The following SH3BP5 variants were observed in gnomAD, a reference collection of about 807,000 sequenced individuals.
SH3BP5 encodes the protein SH3 domain-binding protein 5.
In SH3BP5, 22 loss-of-function variants were observed where a neutral mutation model predicts 43.3. The observed-to-expected ratio is 0.51, with a 90% confidence interval of 0.36 to 0.73. The LOEUF is 0.73. Among genes scored for constraint, SH3BP5 ranks in the 30% least tolerant of loss-of-function variants. The probability of loss-of-function intolerance (pLI) is 0.00; values close to 1 mark genes in which losing one functional copy is unlikely to be tolerated. For synonymous variants in SH3BP5, 255 were observed against 225.8 expected, an observed-to-expected ratio of 1.13 and a Z score of -1.16; for missense variants, 529 against 586.9, an observed-to-expected ratio of 0.90 and a Z score of 1.02.
chr3:15,258,543 C>T (rs759435567), intron 7 of SH3BP5: 292 of 447,776 alleles, frequency 6.5e-4, no homozygotes, highest in Non-Finnish European at 1.1e-3. Context: ...TTCTTTCCTG[C>T]AGGACTTCTC....
intron 3 of SH3BP5, among the ~76,000 whole-genome samples, chr3:15,294,574 G>A (rs551812374): frequency 2.8e-4 from 43 of 152,088 alleles, no homozygotes; most frequent in South Asian, 6.2e-4. Flanking sequence ...CCACAACACC[G>A]GAAAGGTTTA....
At position 15,304,124 on chromosome 3, in the gene SH3BP5, C is replaced by T. The variant is rs1219597929; in HGVS notation, c.309G>A (p.Glu103=). Residue 103 remains glutamate, a synonymous_variant, in exon 3 of 9, where the codon GAG becomes GAA. Coordinates refer to ENST00000383791, the MANE Select transcript of SH3BP5 (RefSeq NM_004844.5). ...TTACCTGCCTCGCCACCCTCCGTGC[C>T]TCCCAGTAGGGCTTGGAGTCTTCCA... ...KAVEDSKPYW[E]ARRVARQAQL... is the part of the protein sequence containing the mutation. 1 of 1,614,172 alleles carries T rather than the reference C, an allele frequency of 6.2e-7. No homozygotes were observed. The highest frequency in any genetic ancestry group is 8.5e-7 in the Non-Finnish European group (1 of 1,180,044).
chr3:15,320,705 G>C (rs1371611647), intron 2 of SH3BP5, among the ~76,000 whole-genome samples: 1 of 148,774 alleles, frequency 6.7e-6, no homozygotes, highest in Non-Finnish European at 1.5e-5. Flanking sequence ...AAAATTAAAA[G>C]GCTACAGTCC....
intron 3 of SH3BP5, among the ~76,000 whole-genome samples, chr3:15,295,087 AAC>A (rs145251289): frequency 2.0e-4 from 30 of 151,454 alleles, no homozygotes; most frequent in African/African-American, 6.5e-4. Flanking sequence ...ATCTCCCGCC[AAC>A]ACACACACAC....
At chr3:15,268,472 C>T (rs539133749) in intron 4 of SH3BP5, among the ~76,000 whole-genome samples, 8 of 152,236 alleles carry the variant, frequency 5.3e-5, no homozygotes, top group East Asian at 3.9e-4. Context: ...CACCCACCCA[C>T]CCTGCAGCAA....
chr3:15,313,939 T>G (rs760996530), intron 2 of SH3BP5, among the ~76,000 whole-genome samples: 1 of 151,754 alleles, frequency 6.6e-6, no homozygotes, highest in African/African-American at 2.4e-5. Flanking sequence ...CCATCTCTAC[T>G]AAAAACACAA....
intron 2 of SH3BP5, among the ~76,000 whole-genome samples, chr3:15,325,055 CACAGCCCTGGA>C (rs139173094): frequency 0.014 from 2,080 of 152,262 alleles, 50 homozygotes; most frequent in African/African-American, 0.046. Context: ...CGGACCCCTT[CACAGCCCTGGA>C]ACAGCCCACT....
rs80043107 is a variant in SH3BP5 at position 15,265,916 on chromosome 3, G to A, written c.496-3627C>T. 2.2e-3 allele frequency among the ~76,000 whole-genome samples: 331 copies of A among 152,186 alleles called. 5 individuals carry two copies. Among genetic ancestry groups the A allele is most frequent in the East Asian group, 4.6e-3 (24 of 5,174 alleles). On this transcript the variant is annotated intron_variant, in intron 4 of 8. Transcript: ENST00000383791. ...GGCACCTTCCCGCATGGGCACCACT[G>A]GGCACTGATTGGGTGTTTCAATCTG...
At chr3:15,268,821 G>A (rs1040457948) in intron 4 of SH3BP5, among the ~76,000 whole-genome samples, 1 of 151,962 alleles carries the variant, frequency 6.6e-6, no homozygotes, top group African/African-American at 2.4e-5. Context: ...AGGTAATGAG[G>A]GTAGAACCAT....
chr3:15,292,393 T>A (rs1453118512), intron 3 of SH3BP5, among the ~76,000 whole-genome samples: 1 of 151,262 alleles, frequency 6.6e-6, no homozygotes, highest in Non-Finnish European at 1.5e-5. Context: ...AAAAAGGGAG[T>A]TGCCCATGAC....
intron 5 of SH3BP5, chr3:15,260,080 C>T (rs1228311583): frequency 2.0e-6 from 1 of 491,694 alleles, no homozygotes; most frequent in Admixed American, 3.6e-5. Flanking sequence ...GACTCTGCAA[C>T]TTAGCTCATG....
rs1268276468 is a variant in SH3BP5 at position 15,254,993 on chromosome 3, C to T, written c.*1093G>A. On this transcript the variant is annotated 3_prime_UTR_variant, in exon 9 of 9. Coordinates refer to ENST00000383791, the MANE Select transcript of SH3BP5 (RefSeq NM_004844.5). ...AATGACTAAAATATACAGGCTGTGA[C>T]AGAATTAACAGTTTGAAAGAGGGTT... is the stretch of plus-strand genomic sequence containing the variant. 6.6e-6 allele frequency: 1 copy of T among 152,356 alleles called. No homozygotes were observed. Among genetic ancestry groups the T allele is most frequent in the African/African-American group, 2.4e-5 (1 of 41,432 alleles). 9.4% of individuals were successfully genotyped at this position (152,356 alleles called of 1,614,324 possible).
Position 15,269,787 on chromosome 3 carries a change from G to T in SH3BP5, c.421C>A (p.Gln141Lys), listed in dbSNP as rs1696748158. The change falls in exon 4 of 9, where the codon CAG (glutamine) becomes AAG (lysine). Residue 141 changes from glutamine to lysine, a missense_variant. Transcript: ENST00000383791. ...AAKETISLAE[Q>K]RLLEDDKRQF... The stretch of plus-strand genomic sequence containing the variant: ...CGCTTGTCATCCTCCAGCAGCCGCT[G>T]CTCGGCCAGGGAGATGGTCTCCTTG... 1 of 1,612,032 alleles carries T rather than the reference G, an allele frequency of 6.2e-7. No homozygotes were observed. The highest frequency in any genetic ancestry group is 1.1e-5 in the South Asian group (1 of 90,924).
chr3:15,324,382 G>A (rs375878517), intron 2 of SH3BP5, among the ~76,000 whole-genome samples: 6 of 152,208 alleles, frequency 3.9e-5, no homozygotes, highest in Admixed American at 3.3e-4. Context: ...AGGCAGGGAC[G>A]TGCCTGATTA....
At chr3:15,281,580 C>T (rs562105271) in intron 3 of SH3BP5, among the ~76,000 whole-genome samples, 1 of 152,236 alleles carries the variant, frequency 6.6e-6, no homozygotes, top group South Asian at 2.1e-4. Flanking sequence ...CACTTCTCTG[C>T]CTGGGGGTTG....
At chr3:15,308,616 C>T (rs576806189) in intron 2 of SH3BP5, among the ~76,000 whole-genome samples, 33 of 152,202 alleles carry the variant, frequency 2.2e-4, no homozygotes, top group Admixed American at 7.2e-4. Context: ...GGAGCAAGGA[C>T]GCCTCCTGGC....
intron 1 of SH3BP5, among the ~76,000 whole-genome samples, chr3:15,340,835 C>G (rs1698756925): frequency 6.6e-6 from 1 of 152,010 alleles, no homozygotes; most frequent in Non-Finnish European, 1.5e-5. Context: ...GGCGGATCAC[C>G]TGAGGTTGGG....
chr3:15,257,204 TG>T lies in SH3BP5; in HGVS notation c.890-92del, dbSNP rs34094510. The T allele has an allele frequency of 0.022, 30,102 of 1,350,334 alleles. 5,159 individuals carry two copies. The African/African-American group carries it at 0.38, about 17-fold the overall frequency. 83.6% of individuals were successfully genotyped at this position (1,350,334 alleles called of 1,614,324 possible). A position where few individuals can be genotyped will look rare whatever the true frequency, so the allele number is the denominator to read the frequency against. On this transcript the variant is annotated intron_variant, in intron 7 of 8. Coordinates refer to ENST00000383791, the MANE Select transcript of SH3BP5 (RefSeq NM_004844.5). ...TGCTGGCAGGCAGCTAGACACAGCA[TG>T]GGGGACTAAAGAGTCTCTACCTCTG... is the stretch of plus-strand genomic sequence containing the variant.
intron 3 of SH3BP5, among the ~76,000 whole-genome samples, chr3:15,286,317 T>TGTGAGCCCGG (rs993439377): frequency 2.6e-5 from 4 of 152,194 alleles, no homozygotes; most frequent in Non-Finnish European, 2.9e-5. Context: ...GGGCTCTCCA[T>TGTGAGCCCGG]GTGAGCCCGG....
Sources: gnomAD v4.1 joint callset for allele counts (sites outside exome capture counted in the v4.1 genomes callset) on GRCh38, gnomAD v4.1.1 for gene constraint, MANE v1.5 for transcripts, NCBI Gene and HGNC (gene_info 2026-07-23, HGNC 2026-07-21) for gene names.